TBC1D22A: variants seen among roughly 807,000 people sequenced by gnomAD.
The protein encoded by TBC1D22A is putative GTPase activator.
A neutral mutation model predicts 60.2 loss-of-function variants in TBC1D22A; 38 were observed. The ratio of observed to expected loss-of-function variants is 0.63; its 90% confidence interval spans 0.49 to 0.83. The LOEUF (loss-of-function observed/expected upper bound fraction) is 0.83. Ranked by LOEUF, TBC1D22A falls within the 40% of genes least tolerant of loss-of-function variation. The probability of loss-of-function intolerance (pLI) is 0.00; values close to 1 mark genes in which losing one functional copy is unlikely to be tolerated. For synonymous variants in TBC1D22A, 302 were observed against 281.7 expected, an observed-to-expected ratio of 1.07 and a Z score of -0.72; for missense variants, 628 against 701.0, an observed-to-expected ratio of 0.90 and a Z score of 1.18.
intron 4 of TBC1D22A, among the ~76,000 whole-genome samples, chr22:46,817,444 C>A (rs117732262): frequency 3.3e-5 from 5 of 152,086 alleles, no homozygotes; most frequent in Admixed American, 1.3e-4. Context: ...TGTGTTGTTC[C>A]GCTCTCTGTG....
intron 4 of TBC1D22A, among the ~76,000 whole-genome samples, chr22:46,839,036 TC>T (rs1462731735): frequency 6.6e-6 from 1 of 152,096 alleles, no homozygotes; most frequent in Non-Finnish European, 1.5e-5. Context: ...TAAAAGGCAT[TC>T]AAATCAAAAA....
At chr22:47,167,673 C>T (rs2068261004) in intron 12 of TBC1D22A, among the ~76,000 whole-genome samples, 1 of 152,206 alleles carries the variant, frequency 6.6e-6, no homozygotes, top group South Asian at 2.1e-4. Flanking sequence ...GGGTGGCCAT[C>T]TGTGAGGGTA....
At chr22:46,995,591 G>C (rs768772461) in intron 9 of TBC1D22A, among the ~76,000 whole-genome samples, 3 of 152,106 alleles carry the variant, frequency 2.0e-5, no homozygotes, top group Non-Finnish European at 4.4e-5. Flanking sequence ...TCCAGACTTG[G>C]GAATGCTGCT....
At chr22:46,984,365 T>TAAAAA in intron 9 of TBC1D22A, among the ~76,000 whole-genome samples, 1 of 17,870 alleles carries the variant, frequency 5.6e-5, no homozygotes, top group Non-Finnish European at 1.2e-4. Context: ...AGACTCCATC[T>TAAAAA]CAAAAAAAAA....
chr22:47,028,549 C>T lies in TBC1D22A; in HGVS notation c.1202-8522C>T, dbSNP rs1201694568. On this transcript the variant is annotated intron_variant, in intron 10 of 12. Transcript: ENST00000337137. The surrounding 1 kb of genome is among the most constrained non-coding windows in gnomAD (Gnocchi z 4.4). ...CCCAGGTTCTGAGAGTGAGTGGTCGCGTTCCTGTCCCTCGGTCCCTGTCCC... is the reference window on the plus strand; with the variant it reads ...CCCAGGTTCTGAGAGTGAGTGGTCGTGTTCCTGTCCCTCGGTCCCTGTCCC... Among the ~76,000 whole-genome samples the T allele has an allele frequency of 6.6e-6, 1 of 151,884 alleles. No individual in the cohort carries two copies. The highest frequency in any genetic ancestry group is 1.5e-5 in the Non-Finnish European group (1 of 68,004).
chr22:46,805,247 T>G (rs1024853650), intron 4 of TBC1D22A, among the ~76,000 whole-genome samples: 7 of 152,226 alleles, frequency 4.6e-5, no homozygotes, highest in Non-Finnish European at 1.0e-4. Flanking sequence ...GCGGTCAGTC[T>G]CCTTCTCTCC....
intron 12 of TBC1D22A, among the ~76,000 whole-genome samples, chr22:47,118,252 T>C (rs1039132287): frequency 1.3e-5 from 2 of 152,152 alleles, no homozygotes; most frequent in African/African-American, 4.8e-5. Context: ...ATGGAATACT[T>C]ACAAAAAGTA....
chr22:46,879,550 G>A lies in TBC1D22A; in HGVS notation c.708+827G>A, dbSNP rs190059219. 1.9e-4 allele frequency among the ~76,000 whole-genome samples: 29 copies of A among 152,224 alleles called. 2 individuals carry two copies. Among genetic ancestry groups the A allele is most frequent in the Admixed American group, 8.5e-4 (13 of 15,308 alleles). On this transcript the variant is annotated intron_variant, in intron 5 of 12. Coordinates refer to ENST00000337137, the MANE Select transcript of TBC1D22A (RefSeq NM_014346.5). ...TAATAAGTTTGCAGCTTAGTACCTC[G>A]TAATCCTAAATGCAGACGCAGCTCT...
chr22:47,015,151 G>A (rs1036355477), intron 10 of TBC1D22A, among the ~76,000 whole-genome samples: 3 of 152,206 alleles, frequency 2.0e-5, no homozygotes, highest in South Asian at 2.1e-4. Flanking sequence ...GTCACACATC[G>A]CACACACCCA....
At chr22:47,037,326 G>A (rs757461313) in intron 11 of TBC1D22A, 128 bp downstream of exon 11, 20 of 1,351,758 alleles carry the variant, frequency 1.5e-5, no homozygotes, top group Middle Eastern at 2.6e-4. Flanking sequence ...ATTGAAATGC[G>A]GTCTTTAAAA....
At chr22:46,840,969 A>G (rs2086731847) in intron 4 of TBC1D22A, among the ~76,000 whole-genome samples, 1 of 152,028 alleles carries the variant, frequency 6.6e-6, no homozygotes, top group African/African-American at 2.4e-5. Flanking sequence ...CTTCGTGTTC[A>G]TTGCAGCATT....
Position 46,975,802 on chromosome 22 carries a change from C to T in TBC1D22A, c.1125+1403C>T, listed in dbSNP as rs141593863. ...GCTAAAAGGTTCCGTTGAGGAAAGA[C>T]GTGTGGTTTTTGCTGTTACTTTTCA... On this transcript the variant is annotated intron_variant, in intron 9 of 12. Coordinates refer to ENST00000337137, the MANE Select transcript of TBC1D22A (RefSeq NM_014346.5). Among the ~76,000 whole-genome samples the T allele has an allele frequency of 7.6e-3, 1,163 of 152,192 alleles. 47 individuals are homozygous for T. The highest frequency in any genetic ancestry group is 0.067 in the Admixed American group (1,030 of 15,286).
At chr22:46,844,452 G>A (rs1385003527) in intron 4 of TBC1D22A, among the ~76,000 whole-genome samples, 2 of 152,212 alleles carry the variant, frequency 1.3e-5, no homozygotes, top group Non-Finnish European at 2.9e-5. Flanking sequence ...GTGCCAGGCA[G>A]TGTAGCCACC....
intron 10 of TBC1D22A, among the ~76,000 whole-genome samples, chr22:47,033,450 G>A (rs557282871): frequency 5.9e-5 from 9 of 152,310 alleles, no homozygotes; most frequent in Non-Finnish European, 1.2e-4. Context: ...GTACTCATTC[G>A]TTCATCACAG....
At chr22:46,974,145 C>T in intron 8 of TBC1D22A, 145 bp from the exon 9 acceptor site, 1 of 641,882 alleles carries the variant, frequency 1.6e-6, no homozygotes, top group Non-Finnish European at 2.8e-6. Flanking sequence ...AGGTGGAAGG[C>T]TGCATGAGTC....
At chr22:47,140,963 A>G (rs898134760) in intron 12 of TBC1D22A, among the ~76,000 whole-genome samples, 5 of 152,226 alleles carry the variant, frequency 3.3e-5, no homozygotes, top group Admixed American at 1.3e-4. Context: ...GTTAGCATGT[A>G]TGTTAGTCCA....
At chr22:47,152,587 C>T (rs531870671) in intron 12 of TBC1D22A, among the ~76,000 whole-genome samples, 2 of 152,250 alleles carry the variant, frequency 1.3e-5, no homozygotes, top group African/African-American at 2.4e-5. Flanking sequence ...CGCTCTCTGT[C>T]GCTTCTAAGT....
intron 4 of TBC1D22A, among the ~76,000 whole-genome samples, chr22:46,848,220 C>T (rs139891310): frequency 1.3e-4 from 20 of 152,350 alleles, no homozygotes; most frequent in East Asian, 1.2e-3. Context: ...AATGGTATCG[C>T]GGAGGCGGTG....
chr22:46,874,827 G>A (rs1008841576), intron 4 of TBC1D22A, among the ~76,000 whole-genome samples: 2 of 152,040 alleles, frequency 1.3e-5, no homozygotes, highest in African/African-American at 4.8e-5. Context: ...GCCCGCCTTG[G>A]CCTCCCAAAG....
Sources: gnomAD v4.1 joint callset for allele counts (sites outside exome capture counted in the v4.1 genomes callset) on GRCh38, gnomAD v4.1.1 for gene constraint, Gnocchi (gnomAD v3.1) non-coding constraint, MANE v1.5 for transcripts, NCBI Gene and HGNC (gene_info 2026-07-23, HGNC 2026-07-21) for gene names.